The following PPP1R16A variants were observed in gnomAD, a reference collection of about 807,000 sequenced individuals.
The protein encoded by PPP1R16A is protein phosphatase 1 regulatory subunit 16A, also known as myosin phosphatase-targeting subunit 3.
A neutral mutation model predicts 46.6 loss-of-function variants in PPP1R16A; 39 were observed. That is an observed-to-expected ratio of 0.84 (90% confidence interval 0.65 to 1.09). PPP1R16A has a LOEUF of 1.09. PPP1R16A is among the 50% of genes least tolerant of loss of function. The pLI, the probability that PPP1R16A is intolerant of heterozygous loss-of-function variation, is 0.00. For missense variants in PPP1R16A, 798 were observed against 735.6 expected (o/e 1.08, Z -0.98); for synonymous variants, 413 against 321.5 (o/e 1.28, Z -3.04).
At chr8:144,498,869 G>T (rs757391064) in intron 4 of PPP1R16A, 29 bp downstream of exon 4, 2 of 1,612,292 alleles carry the variant, frequency 1.2e-6, no homozygotes, top group South Asian at 1.1e-5. Flanking sequence ...TGGGCAGGGT[G>T]GGGGCTGGCC....
chr8:144,491,660 G>A (rs1217880237), intron 2 of PPP1R16A, among the ~76,000 whole-genome samples: 1 of 152,130 alleles, frequency 6.6e-6, no homozygotes, highest in Non-Finnish European at 1.5e-5. Context: ...CTACTCGGGA[G>A]GCTGAGGCAG....
intron 1 of PPP1R16A, among the ~76,000 whole-genome samples, chr8:144,481,576 G>A (rs568814895): frequency 5.2e-4 from 79 of 151,922 alleles, no homozygotes; most frequent in African/African-American, 1.8e-3. Context: ...CGTGGGAGGC[G>A]GAGGTTGCGG....
intron 3 of PPP1R16A, 47 bp from the exon 4 acceptor site, chr8:144,498,723 C>T (rs1826233483): frequency 2.0e-6 from 3 of 1,526,062 alleles, no homozygotes; most frequent in Non-Finnish European, 2.7e-6. Context: ...GTTGACAGGA[C>T]CTGACCAGGG....
intron 1 of PPP1R16A, among the ~76,000 whole-genome samples, chr8:144,482,958 T>C (rs1208006520): frequency 6.6e-6 from 1 of 151,548 alleles, no homozygotes; most frequent in Non-Finnish European, 1.5e-5. Context: ...TTTTTTTGTA[T>C]TTTTAGTAGA....
At chr8:144,483,085 C>G (rs1462116632) in intron 1 of PPP1R16A, among the ~76,000 whole-genome samples, 6 of 152,144 alleles carry the variant, frequency 3.9e-5, no homozygotes, top group African/African-American at 1.4e-4. Flanking sequence ...CCCGGCCCAA[C>G]TTTCATTTCT....
rs575610903 is a variant in PPP1R16A at position 144,492,275 on chromosome 8, A to C, written c.-735+2063A>C. On this transcript the variant is annotated intron_variant, in intron 2 of 11. Coordinates refer to ENST00000435887, the MANE Select transcript of PPP1R16A (RefSeq NM_001329443.2). ...CCAGCACTGTGAGTCCCTCTAGCTG[A>C]CCTGCTCTGGGGGTTTTAGTAGGGT... Among the ~76,000 whole-genome samples the C allele has an allele frequency of 2.7e-3, 407 of 151,418 alleles. 3 individuals carry two copies. Among genetic ancestry groups the C allele is most frequent in the African/African-American group, 9.3e-3 (384 of 41,198 alleles).
intron 5 of PPP1R16A, 185 bp from the exon 6 acceptor site, chr8:144,499,911 G>A: frequency 1.6e-6 from 1 of 608,216 alleles, no homozygotes; most frequent in South Asian, 2.0e-5. Flanking sequence ...AGGCCTGTCT[G>A]GCTTAATGAC....
At position 144,500,516 on chromosome 8, in the gene PPP1R16A, C is replaced by G; in HGVS notation, c.735C>G (p.Ser245Arg). 6.3e-7 allele frequency: 1 copy of G among 1,590,224 alleles called. No homozygotes were observed. Among genetic ancestry groups the G allele is most frequent in the Middle Eastern group, 1.7e-4 (1 of 5,992 alleles). ...LLHVAAANGF[S>R]EAAALLLEHR... is the part of the protein sequence containing the mutation. ...ACGTCGCAGCCGCCAACGGGTTCAG[C>G]GAGGCGGCTGCCCTGCTGCTGGAAC... Residue 245 changes from serine to arginine, a missense_variant, in exon 8 of 12, where the codon AGC becomes AGG. Transcript: ENST00000435887.
intron 2 of PPP1R16A, among the ~76,000 whole-genome samples, chr8:144,490,428 C>T (rs1168831486): frequency 6.6e-6 from 1 of 152,094 alleles, no homozygotes; most frequent in Non-Finnish European, 1.5e-5. Flanking sequence ...ATCACTTGAA[C>T]CTGGGAGGTG....
Position 144,498,817 on chromosome 8 carries a change from G to A in PPP1R16A, c.307G>A (p.Asp103Asn). The change falls in exon 4 of 12, where the codon GAC becomes AAC. Residue 103 changes from aspartate to asparagine, a missense_variant. Physicochemically the swap from Asp to Asn is conservative, Grantham distance 23. Coordinates refer to ENST00000435887, the MANE Select transcript of PPP1R16A (RefSeq NM_001329443.2). The stretch of plus-strand genomic sequence containing the variant: ...GGTCAGCCCTGACTTGGCCAACGAG[G>A]ACGGCCTGACGGCCCTGCACCAGGT... ...SGVSPDLANEDGLTALHQCCI... is the reference protein window; with the variant it reads ...SGVSPDLANENGLTALHQCCI... 6.2e-7 allele frequency: 1 copy of A among 1,606,102 alleles called. No individual in the cohort carries two copies. The highest frequency in any genetic ancestry group is 1.1e-5 in the South Asian group (1 of 90,888).
chr8:144,492,168 C>T (rs1427326624), intron 2 of PPP1R16A, among the ~76,000 whole-genome samples: 1 of 152,146 alleles, frequency 6.6e-6, no homozygotes, highest in Non-Finnish European at 1.5e-5. Flanking sequence ...CGCCCAGATG[C>T]CACCCGCTGC....
chr8:144,500,535 C>T lies in PPP1R16A; in HGVS notation c.754C>T (p.Leu252=), dbSNP rs760176502. 1.3e-6 allele frequency: 2 copies of T among 1,594,850 alleles called. No individual in the cohort carries two copies. Among genetic ancestry groups the T allele is most frequent in the African/African-American group, 1.3e-5 (1 of 74,860 alleles). Reference sequence around the variant, plus strand: ...GTTCAGCGAGGCGGCTGCCCTGCTGCTGGAACACCGAGCCAGCCTGAGCGC... The same window carrying T: ...GTTCAGCGAGGCGGCTGCCCTGCTGTTGGAACACCGAGCCAGCCTGAGCGC... ...NGFSEAAALL[L]EHRASLSAKD... is the part of the protein sequence containing the mutation. The change falls in exon 8 of 12, where the codon CTG becomes TTG. Residue 252 remains leucine (L), a synonymous_variant. Transcript: ENST00000435887.
At chr8:144,484,352 T>C (rs1422723427) in intron 1 of PPP1R16A, among the ~76,000 whole-genome samples, 1 of 152,262 alleles carries the variant, frequency 6.6e-6, no homozygotes, top group African/African-American at 2.4e-5. Flanking sequence ...GTGGGGGTTA[T>C]GGCCCATTAG....
Position 144,478,134 on chromosome 8 carries a change from C to G in PPP1R16A, c.-914+7C>G, listed in dbSNP as rs571339158. On this transcript the variant is annotated splice_region_variant and intron_variant, in intron 1 of 11. Transcript: ENST00000435887. ...GGTCGGCGCGGGGCGCGAGGTGAGGCGCGGACTCCCGGGTCCTGCGGCGGG... is the reference window on the plus strand; with the variant it reads ...GGTCGGCGCGGGGCGCGAGGTGAGGGGCGGACTCCCGGGTCCTGCGGCGGG... 119 of 394,774 alleles carry G rather than the reference C, an allele frequency of 3.0e-4. No individual in the cohort carries two copies. Among genetic ancestry groups the G allele is most frequent in the Non-Finnish European group, 4.8e-4 (107 of 223,596 alleles). 24.5% of individuals were successfully genotyped at this position (394,774 alleles called of 1,614,324 possible).
In PPP1R16A at chr8:144,493,822, C is replaced by T. The variant is rs1362840515; in HGVS notation, c.-734-2639C>T. ...CCCAGAGTCCCATGGAGACATTGGG[C>T]AGCTTCCAGCTAGGAAGGTGGGCCT... On this transcript the variant is annotated intron_variant, in intron 2 of 11. Transcript: ENST00000435887. The surrounding 1 kb of genome is among the most constrained non-coding windows in gnomAD (Gnocchi z 4.3). Among the ~76,000 whole-genome samples, 2 of 152,090 alleles carry T rather than the reference C, an allele frequency of 1.3e-5. No homozygotes were observed. Among genetic ancestry groups the T allele is most frequent in the Non-Finnish European group, 2.9e-5 (2 of 67,972 alleles).
chr8:144,485,022 C>G (rs1003434033), intron 1 of PPP1R16A, among the ~76,000 whole-genome samples: 1 of 151,930 alleles, frequency 6.6e-6, no homozygotes, highest in African/African-American at 2.4e-5. Context: ...CCCAGCACTT[C>G]GGGAGGCCGA....
chr8:144,489,695 C>T (rs906839577), intron 1 of PPP1R16A, among the ~76,000 whole-genome samples: 1 of 152,176 alleles, frequency 6.6e-6, no homozygotes. Flanking sequence ...TGCTGATGTG[C>T]ATCCTGCAAC....
chr8:144,501,059 G>T (rs765553302), intron 10 of PPP1R16A, 70 bp from the exon 11 acceptor site: 53 of 1,550,220 alleles, frequency 3.4e-5, no homozygotes, highest in Non-Finnish European at 4.3e-5. Flanking sequence ...TGGGGGCAGA[G>T]TCCGAGGGGG....
chr8:144,499,783 C>T (rs750950854), intron 5 of PPP1R16A: 17 of 350,096 alleles, frequency 4.9e-5, no homozygotes, highest in South Asian at 6.9e-5. Context: ...CCTGCACCCC[C>T]GCCACCCTGT....
Sources: allele counts gnomAD v4.1 joint callset (sites outside exome capture counted in the v4.1 genomes callset), GRCh38; gene constraint gnomAD v4.1.1; non-coding constraint Gnocchi (gnomAD v3.1); transcripts MANE v1.5; gene names NCBI Gene and HGNC (gene_info 2026-07-23, HGNC 2026-07-21).